The following DGKG variants were observed in gnomAD, a reference collection of about 807,000 sequenced individuals.
DGKG encodes the protein DAG kinase gamma.
Under a neutral mutation model 105.3 loss-of-function variants are expected in DGKG, and 78 were observed. The ratio of observed to expected loss-of-function variants is 0.74; its 90% confidence interval spans 0.62 to 0.89. The LOEUF is 0.89. Ranked by LOEUF, DGKG falls within the 40% of genes least tolerant of loss-of-function variation. DGKG has a pLI of 0.00. For missense variants in DGKG, 958 were observed against 1,020.1 expected (o/e 0.94, Z 0.83); for synonymous variants, 346 against 367.1 (o/e 0.94, Z 0.66).
intron 16 of DGKG, among the ~76,000 whole-genome samples, chr3:186,259,242 A>T (rs1390741116): frequency 1.3e-5 from 2 of 152,208 alleles, no homozygotes; most frequent in Non-Finnish European, 2.9e-5. Flanking sequence ...TCGTCGTCTC[A>T]GATGAAAACA....
At chr3:186,282,428 T>A (rs1722871654) in intron 7 of DGKG, among the ~76,000 whole-genome samples, 1 of 152,206 alleles carries the variant, frequency 6.6e-6, no homozygotes, top group Non-Finnish European at 1.5e-5. Context: ...CTTTAAAACG[T>A]ATCTGGAATT....
At chr3:186,277,867 T>A (rs536332556) in intron 9 of DGKG, among the ~76,000 whole-genome samples, 1 of 152,266 alleles carries the variant, frequency 6.6e-6, no homozygotes, top group South Asian at 2.1e-4. Context: ...TTTTCAGTGG[T>A]TGTATGTGGG....
intron 3 of DGKG, among the ~76,000 whole-genome samples, chr3:186,298,951 A>G (rs1179892202): frequency 1.3e-5 from 2 of 152,192 alleles, no homozygotes; most frequent in African/African-American, 4.8e-5. Flanking sequence ...CAGGAAGCCA[A>G]GGACAGAAGG....
At position 186,320,526 on chromosome 3, in the gene DGKG, C is replaced by A. The variant is rs975595653; in HGVS notation, c.-67G>T. On this transcript the variant is annotated 5_prime_UTR_variant, in exon 2 of 25. Transcript: ENST00000265022. ...TTTGTTCACTAGGCTGAAGTGGAGGCCCAGCCCAGGGCCTGGCTCATTGCA... is the reference window on the plus strand; with the variant it reads ...TTTGTTCACTAGGCTGAAGTGGAGGACCAGCCCAGGGCCTGGCTCATTGCA... 1.2e-6 allele frequency: 2 copies of A among 1,612,728 alleles called. No individual in the cohort carries two copies. The highest frequency in any genetic ancestry group is 1.7e-5 in the Admixed American group (1 of 59,904).
chr3:186,201,567 C>G (rs1718464004), intron 21 of DGKG, among the ~76,000 whole-genome samples: 1 of 152,126 alleles, frequency 6.6e-6, no homozygotes, highest in African/African-American at 2.4e-5. Flanking sequence ...CAATAGCTTC[C>G]TAGAGATGGG....
chr3:186,211,699 C>A, intron 21 of DGKG, 96 bp downstream of exon 21: 1 of 901,924 alleles, frequency 1.1e-6, no homozygotes, highest in South Asian at 1.4e-5. Context: ...CTCTGGGTCA[C>A]CTCTTAAGGT....
At chr3:186,214,154 A>G (rs1008835790) in intron 20 of DGKG, among the ~76,000 whole-genome samples, 2 of 152,228 alleles carry the variant, frequency 1.3e-5, no homozygotes, top group African/African-American at 4.8e-5. Context: ...CTGATGAGCT[A>G]ATAAAGGTTA....
intron 24 of DGKG, among the ~76,000 whole-genome samples, chr3:186,157,259 A>G (rs1716079686): frequency 6.6e-6 from 1 of 152,200 alleles, no homozygotes; most frequent in African/African-American, 2.4e-5. Flanking sequence ...CATCTATTTT[A>G]TCATGTAGTT....
chr3:186,243,340 A>G (rs1027874547), intron 19 of DGKG, among the ~76,000 whole-genome samples: 1 of 152,046 alleles, frequency 6.6e-6, no homozygotes, highest in Non-Finnish European at 1.5e-5. Context: ...TTGCCACACT[A>G]GCGGCCCCCT....
chr3:186,196,137 CTTTT>C (rs71164579), intron 21 of DGKG, among the ~76,000 whole-genome samples: 4 of 131,094 alleles, frequency 3.1e-5, no homozygotes, highest in Non-Finnish European at 3.2e-5. Context: ...CTTTTTCTTT[CTTTT>C]TTTTTTTTTT....
At chr3:186,349,803 A>G (rs1156798015) in intron 1 of DGKG, among the ~76,000 whole-genome samples, 1 of 152,070 alleles carries the variant, frequency 6.6e-6, no homozygotes, top group Non-Finnish European at 1.5e-5. Context: ...AAAAGTTACC[A>G]TTTAACCACT....
chr3:186,317,471 G>T (rs1029693081), intron 2 of DGKG, among the ~76,000 whole-genome samples: 1 of 152,128 alleles, frequency 6.6e-6, no homozygotes, highest in African/African-American at 2.4e-5. Flanking sequence ...GATTCCCCAG[G>T]ATGGGGTCCT....
intron 19 of DGKG, among the ~76,000 whole-genome samples, chr3:186,248,037 T>C (rs1721030531): frequency 6.6e-6 from 1 of 152,070 alleles, no homozygotes; most frequent in Non-Finnish European, 1.5e-5. Context: ...TTTTTCCTAC[T>C]TTTTTTGCTA....
chr3:186,176,320 G>A (rs1439536672), intron 22 of DGKG, among the ~76,000 whole-genome samples: 7 of 152,086 alleles, frequency 4.6e-5, no homozygotes, highest in Non-Finnish European at 1.0e-4. Context: ...ATTCTCAGGC[G>A]TGGCATATAC....
Position 186,219,858 on chromosome 3 carries a change from G to T in DGKG, c.1827-7973C>A, listed in dbSNP as rs573043560. Among the ~76,000 whole-genome samples, 3 of 152,284 alleles carry T rather than the reference G, an allele frequency of 2.0e-5. No homozygotes were observed. The East Asian group carries it at 5.8e-4, about 29-fold the overall frequency. On this transcript the variant is annotated intron_variant, in intron 20 of 24. Transcript: ENST00000265022. ...CACTTCTTGAGTCATTTCCATGTGT[G>T]AGAAATTAACTGTAAAATCACAGAT...
chr3:186,296,562 A>T (rs889087539), intron 5 of DGKG, among the ~76,000 whole-genome samples: 1 of 152,240 alleles, frequency 6.6e-6, no homozygotes, highest in Non-Finnish European at 1.5e-5. Flanking sequence ...AAGATTCCAC[A>T]TCTCTCACAG....
intron 23 of DGKG, among the ~76,000 whole-genome samples, chr3:186,162,139 G>A (rs541301439): frequency 4.6e-5 from 7 of 152,230 alleles, no homozygotes; most frequent in African/African-American, 9.6e-5. Flanking sequence ...CAGGTGATCC[G>A]CCTGCCTTGG....
intron 17 of DGKG, among the ~76,000 whole-genome samples, chr3:186,254,094 C>T (rs1026583663): frequency 2.0e-5 from 3 of 152,138 alleles, no homozygotes; most frequent in Non-Finnish European, 4.4e-5. Context: ...TCAGATCTAC[C>T]GTGGCATATT....
chr3:186,339,126 G>A (rs987700448), intron 1 of DGKG, among the ~76,000 whole-genome samples: 1 of 152,140 alleles, frequency 6.6e-6, no homozygotes, highest in Non-Finnish European at 1.5e-5. Context: ...TTCCTATAAA[G>A]TTGGTTAAAA....
Sources: allele counts gnomAD v4.1 joint callset (sites outside exome capture counted in the v4.1 genomes callset), GRCh38; gene constraint gnomAD v4.1.1; transcripts MANE v1.5; gene names NCBI Gene and HGNC (gene_info 2026-07-23, HGNC 2026-07-21).